Variants in PCDH15 observed in about 807,000 individuals in gnomAD.
PCDH15 encodes the protein protocadherin related 15.
In PCDH15, 129 loss-of-function variants were observed where a neutral mutation model predicts 178.5. The observed-to-expected ratio is 0.72, with a 90% CI of 0.63 to 0.84. PCDH15 has a LOEUF of 0.84. Ranked by LOEUF, PCDH15 falls within the 40% of genes least tolerant of loss-of-function variation. The pLI, the probability that PCDH15 is intolerant of heterozygous loss-of-function variation, is 0.00. For synonymous variants in PCDH15, 800 were observed against 732.0 expected (o/e 1.09, Z -1.50); for missense variants, 2,230 against 2,099.9 (o/e 1.06, Z -1.21).
chr10:54,476,863 T>C (rs1199835062), intron 3 of PCDH15, among the ~76,000 whole-genome samples: 2 of 152,168 alleles, frequency 1.3e-5, no homozygotes, highest in Non-Finnish European at 2.9e-5. Context: ...TCTTCTCTCC[T>C]ATCTTCAATT....
chr10:54,747,776 T>C (rs1047351961), intron 1 of PCDH15, among the ~76,000 whole-genome samples: 1 of 152,002 alleles, frequency 6.6e-6, no homozygotes, highest in Non-Finnish European at 1.5e-5. Context: ...GCCAATATTA[T>C]TTTTAAAAAT....
chr10:53,888,119 C>G (rs758845109), intron 26 of PCDH15, among the ~76,000 whole-genome samples: 16 of 151,160 alleles, frequency 1.1e-4, no homozygotes, highest in Admixed American at 2.0e-4. Context: ...TCTCCAGCCC[C>G]TAACCCAACC....
intron 2 of PCDH15, among the ~76,000 whole-genome samples, chr10:55,112,489 G>A (rs890395958): frequency 6.6e-6 from 1 of 152,092 alleles, no homozygotes; most frequent in African/African-American, 2.4e-5. Context: ...TGAGTAAAAG[G>A]AGAGAGAGAA....
intron 2 of PCDH15, among the ~76,000 whole-genome samples, chr10:55,329,917 G>C (rs571522444): frequency 6.6e-6 from 1 of 151,692 alleles, no homozygotes; most frequent in Non-Finnish European, 1.5e-5. Flanking sequence ...GGGTAATAGA[G>C]ACTCCAATGT....
chr10:54,136,919 A>G (rs1275257413), intron 14 of PCDH15, among the ~76,000 whole-genome samples: 1 of 152,066 alleles, frequency 6.6e-6, no homozygotes, highest in Non-Finnish European at 1.5e-5. Context: ...ATCATATATT[A>G]AGGTCTTGTA....
chr10:54,531,065 G>A (rs2083862507), intron 2 of PCDH15, among the ~76,000 whole-genome samples: 1 of 152,110 alleles, frequency 6.6e-6, no homozygotes, highest in Non-Finnish European at 1.5e-5. Flanking sequence ...GGGAAGACTA[G>A]AAAGCAATTT....
At chr10:54,739,127 G>A (rs1392521036) in intron 1 of PCDH15, among the ~76,000 whole-genome samples, 1 of 151,708 alleles carries the variant, frequency 6.6e-6, no homozygotes, top group African/African-American at 2.4e-5. Flanking sequence ...GTCCTTTTTT[G>A]CAGATGATAT....
chr10:55,027,270 A>G, intron 2 of PCDH15, among the ~76,000 whole-genome samples: 1 of 152,034 alleles, frequency 6.6e-6, no homozygotes, highest in East Asian at 1.9e-4. Context: ...GGCAATCAAA[A>G]TATTAAAAAT....
intron 1 of PCDH15, among the ~76,000 whole-genome samples, chr10:55,235,680 G>A (rs1452678726): frequency 1.3e-5 from 2 of 152,016 alleles, no homozygotes; most frequent in Non-Finnish European, 1.5e-5. Context: ...GCCGAGGTGG[G>A]TGGATCACCT....
chr10:54,542,765 T>C (rs1006598779), intron 2 of PCDH15, among the ~76,000 whole-genome samples: 1 of 151,486 alleles, frequency 6.6e-6, no homozygotes, highest in Non-Finnish European at 1.5e-5. Flanking sequence ...GAAAGGGAAG[T>C]GCTGAGTGGA....
At chr10:54,446,264 C>T (rs1433434594) in intron 3 of PCDH15, among the ~76,000 whole-genome samples, 2 of 151,572 alleles carry the variant, frequency 1.3e-5, no homozygotes, top group Non-Finnish European at 3.0e-5. Context: ...GAACTATTTG[C>T]TATATGTTAA....
intron 2 of PCDH15, among the ~76,000 whole-genome samples, chr10:55,610,101 C>T (rs142328395): frequency 6.6e-6 from 1 of 152,064 alleles, no homozygotes; most frequent in African/African-American, 2.4e-5. Context: ...AAAATCCTAA[C>T]TTGAATCCAT....
chr10:54,260,375 T>TCC (rs1281171219), intron 8 of PCDH15, among the ~76,000 whole-genome samples: 1 of 138,908 alleles, frequency 7.2e-6, no homozygotes, highest in African/African-American at 2.7e-5. Context: ...GTCACTGCAT[T>TCC]CTTATTAACT....
At chr10:55,094,237 T>C (rs1842390819) in intron 2 of PCDH15, among the ~76,000 whole-genome samples, 2 of 152,094 alleles carry the variant, frequency 1.3e-5, no homozygotes, top group African/African-American at 4.8e-5. Context: ...TCATGTCCCT[T>C]GTAGGGACAT....
intron 2 of PCDH15, among the ~76,000 whole-genome samples, chr10:54,966,986 G>C (rs1838809828): frequency 6.6e-6 from 1 of 152,044 alleles, no homozygotes. Flanking sequence ...GATAAAAAAT[G>C]GTACACCTGT....
chr10:55,547,910 T>TGTGTGAGAGA (rs541144266), intron 2 of PCDH15, among the ~76,000 whole-genome samples: 151 of 54,516 alleles, frequency 2.8e-3, no homozygotes, highest in African/African-American at 7.7e-3. Context: ...TGTGTGTGTG[T>TGTGTGAGAGA]GAGAGAGAGA....
intron 27 of PCDH15, among the ~76,000 whole-genome samples, chr10:53,863,235 GT>G (rs1265694096): frequency 7.2e-5 from 11 of 152,158 alleles, no homozygotes; most frequent in Non-Finnish European, 1.0e-4. Context: ...AAGTCAGTGA[GT>G]GCAGATAGAA....
At chr10:54,097,053 T>A (rs1590395299) in intron 15 of PCDH15, among the ~76,000 whole-genome samples, 2 of 145,304 alleles carry the variant, frequency 1.4e-5, no homozygotes, top group Admixed American at 6.7e-5. Flanking sequence ...TGACTTCTCA[T>A]TATTTCTGGA....
intron 2 of PCDH15, among the ~76,000 whole-genome samples, chr10:55,022,660 T>G (rs1409928658): frequency 6.6e-6 from 1 of 151,720 alleles, no homozygotes; most frequent in African/African-American, 2.4e-5. Flanking sequence ...AAAATAACTT[T>G]GTAAGATATT....
Sources: gnomAD v4.1 joint callset for allele counts (sites outside exome capture counted in the v4.1 genomes callset) on GRCh38, gnomAD v4.1.1 for gene constraint, MANE v1.5 for transcripts, NCBI Gene and HGNC (gene_info 2026-07-23, HGNC 2026-07-21) for gene names.